Variants in RBFOX3 observed in about 807,000 individuals in gnomAD.
RBFOX3 encodes RNA binding fox-1 homolog 3.
RBFOX3 carries 17 observed loss-of-function variants against 48.7 expected under a neutral mutation model. The observed-to-expected ratio is 0.35, with a 90% CI of 0.24 to 0.52. The LOEUF is 0.52. Among genes scored for constraint, RBFOX3 ranks in the 20% least tolerant of loss-of-function variants. RBFOX3 has a pLI of 0.94. For synonymous variants in RBFOX3, 212 were observed against 209.5 expected (o/e 1.01, Z -0.10); for missense variants, 382 against 497.5 (o/e 0.77, Z 2.21).
rs532330762 is a variant in RBFOX3, at chr17:79,505,538, G to A, written c.-319-22940C>T. Among the ~76,000 whole-genome samples, 1,344 of 152,254 alleles carry A rather than the reference G, an allele frequency of 8.8e-3. 15 individuals carry two copies. The highest frequency in any genetic ancestry group is 0.03 in the African/African-American group (1,239 of 41,536). On this transcript the variant is annotated intron_variant, in intron 1 of 14. Transcript: ENST00000693108. ...TCTTCTGTCTCCTTCACCTCCCCCA[G>A]TGCTTGCCCTTAGATACTGATGGCG...
chr17:79,183,675 C>T (rs759749009), intron 4 of RBFOX3, among the ~76,000 whole-genome samples: 28 of 152,062 alleles, frequency 1.8e-4, no homozygotes, highest in Non-Finnish European at 3.7e-4. Flanking sequence ...GCCTCCGGAG[C>T]CCTGTCTGCA....
In RBFOX3 at chr17:79,195,469, C is replaced by T. The variant is rs372369378; in HGVS notation, c.-34+40297G>A. Reference sequence around the variant, plus strand: ...ACTGGGTCTCTTCTTAGAGTAAGGCCGCACGCAAGTCTGTGTGGGCAGGAA... The same window carrying T: ...ACTGGGTCTCTTCTTAGAGTAAGGCTGCACGCAAGTCTGTGTGGGCAGGAA... On this transcript the variant is annotated intron_variant, in intron 4 of 14. Transcript: ENST00000693108. This position sits in a 1 kb window ranked among gnomAD's most constrained non-coding sequence, Gnocchi z 5.3. Among the ~76,000 whole-genome samples the T allele has an allele frequency of 7.2e-5, 11 of 152,102 alleles. No homozygotes were observed. The highest frequency in any genetic ancestry group is 1.9e-4 in the African/African-American group (8 of 41,406).
intron 4 of RBFOX3, among the ~76,000 whole-genome samples, chr17:79,232,736 A>G (rs2061182865): frequency 6.6e-6 from 1 of 152,258 alleles, no homozygotes; most frequent in South Asian, 2.1e-4. Context: ...AAGAAGACAT[A>G]ATAAATGCCA....
At chr17:79,632,733 G>A in the RBFOX3 span, among the ~76,000 whole-genome samples, 9 of 125,618 alleles carry the variant, frequency 7.2e-5, no homozygotes, top group African/African-American at 1.5e-4. Flanking sequence ...GCAAGACCAC[G>A]TATCTACTAA....
At chr17:79,178,462 T>C (rs2051108297) in intron 4 of RBFOX3, among the ~76,000 whole-genome samples, 3 of 152,184 alleles carry the variant, frequency 2.0e-5, no homozygotes, top group Admixed American at 2.0e-4. Context: ...GAAAGCGACA[T>C]GGACTCGAGC....
intron 2 of RBFOX3, among the ~76,000 whole-genome samples, chr17:79,372,145 C>T (rs935261378): frequency 3.9e-5 from 6 of 152,024 alleles, no homozygotes; most frequent in Admixed American, 6.5e-5. Context: ...ATGCGCTGCC[C>T]GGTGCTGTGA....
intron 1 of RBFOX3, among the ~76,000 whole-genome samples, chr17:79,492,745 CA>C (rs2080872881): frequency 6.6e-6 from 1 of 152,030 alleles, no homozygotes; most frequent in African/African-American, 2.4e-5. Flanking sequence ...ATAGGGATTA[CA>C]AAAAAATATG....
intron 2 of RBFOX3, among the ~76,000 whole-genome samples, chr17:79,441,949 C>T (rs1387818428): frequency 6.6e-6 from 1 of 151,964 alleles, no homozygotes; most frequent in Non-Finnish European, 1.5e-5. Flanking sequence ...GGAGCCCGGG[C>T]CCCGCCTTGA....
At chr17:79,601,836 A>T (rs2093711419) in intron 1 of RBFOX3, 1 of 152,146 alleles carries the variant, frequency 6.6e-6, no homozygotes, top group Non-Finnish European at 1.5e-5. Flanking sequence ...CTCTATTTTA[A>T]AAGTCCAAGA....
At chr17:79,347,518 C>G (rs2083111392) in intron 2 of RBFOX3, among the ~76,000 whole-genome samples, 1 of 152,080 alleles carries the variant, frequency 6.6e-6, no homozygotes, top group African/African-American at 2.4e-5. Context: ...AACTTCTTTC[C>G]TCCTTGTGTT....
At chr17:79,294,653 G>A (rs903010488) in intron 3 of RBFOX3, among the ~76,000 whole-genome samples, 9 of 152,152 alleles carry the variant, frequency 5.9e-5, no homozygotes, top group African/African-American at 2.2e-4. Context: ...GGGAAGGCAG[G>A]AGTTCAGCAC....
intron 3 of RBFOX3, among the ~76,000 whole-genome samples, chr17:79,247,310 ATT>A (rs57539628): frequency 1.6e-3 from 190 of 116,540 alleles, no homozygotes; most frequent in African/African-American, 3.7e-3. Context: ...ACATAATCGT[ATT>A]TTTTTTTTTT....
chr17:79,337,992 G>A (rs924605565), intron 2 of RBFOX3, among the ~76,000 whole-genome samples: 1 of 150,306 alleles, frequency 6.7e-6, no homozygotes, highest in African/African-American at 2.5e-5. Context: ...AGGTTGGAGC[G>A]CAGTGGCGCG....
At chr17:79,312,225 G>A (rs2076947819) in intron 2 of RBFOX3, among the ~76,000 whole-genome samples, 1 of 148,942 alleles carries the variant, frequency 6.7e-6, no homozygotes, top group African/African-American at 2.5e-5. Flanking sequence ...AGGAGACAAA[G>A]AAGAGGGCTG....
intron 1 of RBFOX3, among the ~76,000 whole-genome samples, chr17:79,593,382 CT>C (rs2093477399): frequency 6.6e-6 from 1 of 152,172 alleles, no homozygotes; most frequent in South Asian, 2.1e-4. Flanking sequence ...TACAATTCCC[CT>C]GTGGCCTCAA....
At chr17:79,407,950 G>A (rs905424610) in intron 2 of RBFOX3, among the ~76,000 whole-genome samples, 32 of 152,170 alleles carry the variant, frequency 2.1e-4, no homozygotes, top group Admixed American at 1.3e-3. Flanking sequence ...ATGAAACGCC[G>A]GCTTCTCCTC....
intron 2 of RBFOX3, among the ~76,000 whole-genome samples, chr17:79,370,482 G>T (rs1003580536): frequency 6.6e-6 from 1 of 151,538 alleles, no homozygotes; most frequent in South Asian, 2.1e-4. Flanking sequence ...ACTCACACAC[G>T]TGCTCACTCA....
intron 4 of RBFOX3, among the ~76,000 whole-genome samples, chr17:79,158,336 C>T (rs1419326578): frequency 1.3e-5 from 2 of 152,216 alleles, no homozygotes; most frequent in African/African-American, 4.8e-5. Context: ...GGGCAGGCTT[C>T]CTATGCCCTC....
chr17:79,528,021 G>A (rs922029825), intron 1 of RBFOX3, among the ~76,000 whole-genome samples: 2 of 152,250 alleles, frequency 1.3e-5, no homozygotes, highest in East Asian at 3.8e-4. Flanking sequence ...GAGTACCTCT[G>A]AGGAGAATCT....
Sources: gnomAD v4.1 joint callset for allele counts (sites outside exome capture counted in the v4.1 genomes callset) on GRCh38, gnomAD v4.1.1 for gene constraint, Gnocchi (gnomAD v3.1) non-coding constraint, MANE v1.5 for transcripts, NCBI Gene and HGNC (gene_info 2026-07-23, HGNC 2026-07-21) for gene names.